The following AP3D1 variants were observed in gnomAD, a reference collection of about 807,000 sequenced individuals.
AP3D1 encodes adaptor related protein complex 3 subunit delta 1, also known as AP-3 complex subunit delta-1.
Under a neutral mutation model 147.6 loss-of-function variants are expected in AP3D1, and 51 were observed. The observed-to-expected ratio is 0.35, with a 90% confidence interval of 0.28 to 0.44. The LOEUF (loss-of-function observed/expected upper bound fraction) is 0.44, where lower values mean the gene tolerates loss of function less well. Ranked by LOEUF, AP3D1 falls within the 20% of genes least tolerant of loss-of-function variation. AP3D1 has a pLI of 1.00. For synonymous variants in AP3D1, 760 were observed against 663.0 expected (o/e 1.15, Z -2.25); for missense variants, 1,421 against 1,624.2 (o/e 0.87, Z 2.15).
intron 1 of AP3D1, among the ~76,000 whole-genome samples, chr19:2,143,604 T>C (rs2144543681): frequency 6.6e-6 from 1 of 151,724 alleles, no homozygotes; most frequent in Non-Finnish European, 1.5e-5. Context: ...TTCAAAAAAA[T>C]CAAAAAATAA....
rs778414940 is a variant in AP3D1 at position 2,127,253 on chromosome 19, T to C, written c.807-52A>G. 7 of 1,594,922 alleles carry C rather than the reference T, an allele frequency of 4.4e-6. No individual in the cohort carries two copies. In the South Asian group the frequency reaches 5.5e-5, roughly 13 times the overall value. Reference sequence around the variant, plus strand: ...CATGAGGACTGGGGGCCTCGTCAGATGCAGTGACCCAGTGCCGGCAGCTCA... The same window carrying C: ...CATGAGGACTGGGGGCCTCGTCAGACGCAGTGACCCAGTGCCGGCAGCTCA... On this transcript the variant is annotated intron_variant, in intron 8 of 31. Transcript: ENST00000643116.
chr19:2,126,814 G>A (rs1351904232), intron 9 of AP3D1, among the ~76,000 whole-genome samples: 1 of 152,140 alleles, frequency 6.6e-6, no homozygotes, highest in African/African-American at 2.4e-5. Flanking sequence ...TGAGCAGCAG[G>A]GGCCGGCATC....
chr19:2,158,078 CAG>C (rs763741678), intron 1 of AP3D1, among the ~76,000 whole-genome samples: 2 of 152,110 alleles, frequency 1.3e-5, no homozygotes, highest in Non-Finnish European at 2.9e-5. Flanking sequence ...GTTTTTGAGA[CAG>C]AGTCTTGCTC....
chr19:2,115,182 T>C (rs754711384), intron 20 of AP3D1, 37 bp downstream of exon 20: 102 of 1,589,194 alleles, frequency 6.4e-5, no homozygotes, highest in Admixed American at 5.1e-4. Flanking sequence ...TGCGGAAAGA[T>C]AGACATCCTA....
chr19:2,134,841 T>C (rs1477837129), intron 4 of AP3D1, among the ~76,000 whole-genome samples: 1 of 149,760 alleles, frequency 6.7e-6, no homozygotes, highest in Non-Finnish European at 1.5e-5. Context: ...CCTCAGAAGA[T>C]CCACCCGCCT....
intron 3 of AP3D1, among the ~76,000 whole-genome samples, chr19:2,137,470 C>T (rs2019107381): frequency 6.6e-6 from 1 of 152,054 alleles, no homozygotes; most frequent in Non-Finnish European, 1.5e-5. Context: ...CGTGCGCCAC[C>T]ACGCCCCACT....
Position 2,118,763 on chromosome 19 carries a change from G to A in AP3D1, c.1551C>T (p.His517=). The change falls in exon 15 of 32, where the codon CAC becomes CAT. Residue 517 remains histidine (H), a synonymous_variant. Transcript: ENST00000643116. ...CGTTCTGCACATACACGGCCTGGAT[G>A]TGGCCTGGCAGCGTGGTGACTCTGG... ...LRPRVTTLPG[H]IQAVYVQNVV... is the part of the protein sequence containing the mutation. The A allele has an allele frequency of 1.9e-6, 3 of 1,613,832 alleles. No individual in the cohort carries two copies. Among genetic ancestry groups the A allele is most frequent in the Non-Finnish European group, 2.5e-6 (3 of 1,180,020 alleles).
At chr19:2,144,274 C>T (rs755855019) in intron 1 of AP3D1, among the ~76,000 whole-genome samples, 1 of 152,190 alleles carries the variant, frequency 6.6e-6, no homozygotes, top group African/African-American at 2.4e-5. Context: ...TCCTGCGGAG[C>T]GCTCTGCTCT....
At position 2,137,787 on chromosome 19, in the gene AP3D1, G is replaced by A. The variant is rs745932313; in HGVS notation, c.213C>T (p.Asp71=). The A allele has an allele frequency of 1.9e-6, 3 of 1,614,010 alleles. No homozygotes were observed. In the East Asian group the frequency reaches 6.7e-5, roughly 36 times the overall value. Residue 71 remains aspartate, a synonymous_variant, in exon 3 of 32, where the codon GAC becomes GAT. Coordinates refer to ENST00000643116, the MANE Select transcript of AP3D1 (RefSeq NM_001261826.3). ...KLTYLQMLGY[D]ISWAAFNIIE... Reference sequence around the variant, plus strand: ...TGATGTTGAAGGCGGCCCAGCTGATGTCGTATCCCAACATCTGTAACTGTT... The same window carrying A: ...TGATGTTGAAGGCGGCCCAGCTGATATCGTATCCCAACATCTGTAACTGTT...
intron 30 of AP3D1, 107 bp from the exon 31 acceptor site, chr19:2,108,873 A>C: frequency 7.4e-7 from 1 of 1,358,534 alleles, no homozygotes; most frequent in Non-Finnish European, 1.0e-6. Flanking sequence ...CAGCTTCAGG[A>C]GGCCTGTAGG....
intron 5 of AP3D1, among the ~76,000 whole-genome samples, chr19:2,131,363 A>ATGAT (rs2018935389): frequency 6.6e-6 from 1 of 151,262 alleles, no homozygotes; most frequent in Non-Finnish European, 1.5e-5. Flanking sequence ...CCCATCGGCC[A>ATGAT]CGATCTAGAC....
rs566126695 is a variant in AP3D1 at position 2,113,353 on chromosome 19, C to T, written c.2662G>A (p.Ala888Thr). The T allele has an allele frequency of 1.3e-4, 20 of 156,242 alleles. No homozygotes were observed. Among genetic ancestry groups the T allele is most frequent in the Admixed American group, 9.9e-4 (2 of 2,014 alleles). 9.7% of individuals were successfully genotyped at this position (156,242 alleles called of 1,614,324 possible). Reference sequence around the variant, plus strand: ...TCTCTTACCGTGGATGGAACGGGGGCGGGGGCGGGGGCGGGGGCAGGCGGT... The same window carrying T: ...TCTCTTACCGTGGATGGAACGGGGGTGGGGGCGGGGGCGGGGGCAGGCGGT... ...TPPPAPAPAP[A>T]PVPSTGELSV... Residue 888 changes from alanine (A) to threonine (T), a missense_variant, in exon 23 of 32, where the codon GCC (alanine) becomes ACC (threonine). Ala to Thr is a moderately conservative substitution (Grantham distance 58, BLOSUM62 0). This residue lies in a region of AP3D1 where 791 missense variants were observed against 761.4 expected (regional missense o/e 1.04). Coordinates refer to ENST00000643116, the MANE Select transcript of AP3D1 (RefSeq NM_001261826.3).
rs182165404 is a variant in AP3D1 at position 2,122,226 on chromosome 19, C to T, written c.956-347G>A. ...GACTTTCCAGCAGCAGCAGCAGATA[C>T]CCTTGGCCCAAGGCAGGGTCTCACC... On this transcript the variant is annotated intron_variant, in intron 11 of 31. Coordinates refer to ENST00000643116, the MANE Select transcript of AP3D1 (RefSeq NM_001261826.3). 7.7e-4 allele frequency among the ~76,000 whole-genome samples: 105 copies of T among 136,146 alleles called. 3 individuals carry two copies. In the East Asian group the frequency reaches 0.018, roughly 24 times the overall value. The allele number at this position is 136,146 out of a possible 152,430, so 89.3% of individuals were successfully genotyped here. A position where few individuals can be genotyped will look rare whatever the true frequency, so the allele number is the denominator to read the frequency against.
chr19:2,162,075 G>A (rs186274703), intron 1 of AP3D1, among the ~76,000 whole-genome samples: 1,406 of 133,436 alleles, frequency 0.011, 25 homozygotes, highest in African/African-American at 0.039. Flanking sequence ...TCACTCTGTC[G>A]CCCAGGCTGG....
chr19:2,109,573 C>T (rs1036109464), intron 29 of AP3D1: 13 of 495,958 alleles, frequency 2.6e-5, no homozygotes, highest in African/African-American at 1.5e-4. Flanking sequence ...CAAGCCGTGC[C>T]GAGGAGAGGC....
At position 2,138,042 on chromosome 19, in the gene AP3D1, T is replaced by C. The variant is rs34615083; in HGVS notation, c.193-235A>G. On this transcript the variant is annotated intron_variant, in intron 2 of 31. Coordinates refer to ENST00000643116, the MANE Select transcript of AP3D1 (RefSeq NM_001261826.3). ...ACAGGCACTAAAAAGAGACTCAATGTCTGCAATTGGTTAACTGGCGCTTAC... is the reference window on the plus strand; with the variant it reads ...ACAGGCACTAAAAAGAGACTCAATGCCTGCAATTGGTTAACTGGCGCTTAC... Among the ~76,000 whole-genome samples the C allele has an allele frequency of 0.32, 48,992 of 152,094 alleles. 9,085 individuals are homozygous for C. The highest frequency in any genetic ancestry group is 0.43 in the Non-Finnish European group (29,114 of 67,936).
chr19:2,155,922 G>A (rs1056680482), upstream of AP3D1, among the ~76,000 whole-genome samples: 15 of 151,110 alleles, frequency 9.9e-5, no homozygotes, highest in South Asian at 2.1e-4. Flanking sequence ...GCTTGGTGGC[G>A]GGCGCCTGTA....
intron 6 of AP3D1, among the ~76,000 whole-genome samples, 162 bp from the exon 7 acceptor site, chr19:2,129,619 G>A (rs745384334): frequency 6.6e-5 from 10 of 152,218 alleles, no homozygotes; most frequent in Non-Finnish European, 1.0e-4. Context: ...AGCAGCCACA[G>A]ACCTGATCCT....
chr19:2,158,300 C>T (rs1442932021), intron 1 of AP3D1, among the ~76,000 whole-genome samples: 1 of 152,006 alleles, frequency 6.6e-6, no homozygotes, highest in Non-Finnish European at 1.5e-5. Context: ...TTGTGATCCG[C>T]CCACCTCGGC....
Sources: allele counts gnomAD v4.1 joint callset (sites outside exome capture counted in the v4.1 genomes callset), GRCh38; gene constraint gnomAD v4.1.1; regional missense constraint gnomAD v4.1.1; transcripts MANE v1.5; gene names NCBI Gene and HGNC (gene_info 2026-07-23, HGNC 2026-07-21).